The following CTNNA2 variants were observed in gnomAD, a reference collection of about 807,000 sequenced individuals.
CTNNA2 encodes catenin alpha 2, also known as catenin alpha-2.
Under a neutral mutation model 101.0 loss-of-function variants are expected in CTNNA2, and 42 were observed. That is an observed-to-expected ratio of 0.42 (90% confidence interval 0.32 to 0.54). The LOEUF (loss-of-function observed/expected upper bound fraction) is 0.54. Ranked by LOEUF, CTNNA2 falls within the 20% of genes least tolerant of loss-of-function variation. CTNNA2 has a pLI of 0.14. For missense variants in CTNNA2, 871 were observed against 1,223.1 expected (o/e 0.71, Z 4.29); for synonymous variants, 450 against 456.4 (o/e 0.99, Z 0.18).
intron 3 of CTNNA2, among the ~76,000 whole-genome samples, chr2:79,851,200 C>T (rs1247691686): frequency 6.6e-6 from 1 of 152,196 alleles, no homozygotes; most frequent in Non-Finnish European, 1.5e-5. Flanking sequence ...TGGTGTTGTC[C>T]ACCTTGGCCA....
intron 7 of CTNNA2, among the ~76,000 whole-genome samples, chr2:80,076,647 C>T (rs1312904340): frequency 6.6e-6 from 1 of 151,890 alleles, no homozygotes; most frequent in Non-Finnish European, 1.5e-5. Context: ...GCCCCTCTCA[C>T]TCATTACTTC....
chr2:79,422,611 AG>A (rs1162417846), intron 4 of CTNNA2, among the ~76,000 whole-genome samples: 6 of 152,196 alleles, frequency 3.9e-5, no homozygotes, highest in Non-Finnish European at 8.8e-5. Flanking sequence ...TAAAAACAAA[AG>A]GGGGTACCAT....
chr2:80,401,115 T>A (rs1678507141), intron 8 of CTNNA2, among the ~76,000 whole-genome samples: 1 of 152,344 alleles, frequency 6.6e-6, no homozygotes, highest in East Asian at 1.9e-4. Context: ...TTTAAAAATA[T>A]CTCTATCATG....
rs960119910 is a variant in CTNNA2, at chr2:79,551,774, C to T, written c.-6+38567C>T. 1.6e-4 allele frequency among the ~76,000 whole-genome samples: 24 copies of T among 151,996 alleles called. 1 individual carries two copies. In the South Asian group the frequency reaches 2.3e-3, roughly 14 times the overall value. On this transcript the variant is annotated intron_variant, in intron 1 of 18. Transcript: ENST00000402739. ...GGGAAGCAGGCACATCTTACATGGACGGAGAAGGAGGAAGAAGGGAGTGGG... is the reference window on the plus strand; with the variant it reads ...GGGAAGCAGGCACATCTTACATGGATGGAGAAGGAGGAAGAAGGGAGTGGG...
chr2:79,381,188 G>C (rs143648851), intron 4 of CTNNA2, among the ~76,000 whole-genome samples: 1 of 152,234 alleles, frequency 6.6e-6, no homozygotes, highest in African/African-American at 2.4e-5. Flanking sequence ...ATTTAAAAAG[G>C]GAAAGCTAGA....
chr2:79,768,485 G>A (rs747227536), intron 3 of CTNNA2, among the ~76,000 whole-genome samples: 7 of 151,390 alleles, frequency 4.6e-5, no homozygotes, highest in East Asian at 2.0e-4. Flanking sequence ...AGGGGTGATC[G>A]GTGGAGCTTT....
rs1263495673 is a variant in CTNNA2, at chr2:80,419,570, T to A, written c.1259T>A (p.Val420Asp). The stretch of plus-strand genomic sequence containing the variant: ...AAGGAAGTGAAAGAATATGCCCAAG[T>A]TTTCCGTGAGCATGCCAACAAACTG... ...NEKEVKEYAQ[V>D]FREHANKLVE... Residue 420 changes from valine to aspartate, a missense_variant, in exon 9 of 19, where the codon GTT (valine) becomes GAT (aspartate). This residue lies in a region of CTNNA2 where 647 missense variants were observed against 831.5 expected (regional missense o/e 0.78). Coordinates refer to ENST00000402739, the MANE Select transcript of CTNNA2 (RefSeq NM_001282597.3). 6.2e-7 allele frequency: 1 copy of A among 1,613,736 alleles called. No individual in the cohort carries two copies. Among genetic ancestry groups the A allele is most frequent in the Non-Finnish European group, 8.5e-7 (1 of 1,179,790 alleles).
At chr2:79,419,726 C>T (rs1324712074) in intron 4 of CTNNA2, among the ~76,000 whole-genome samples, 1 of 152,082 alleles carries the variant, frequency 6.6e-6, no homozygotes, top group Non-Finnish European at 1.5e-5. Context: ...TAACATATAA[C>T]TTCGTAGTGT....
At chr2:80,453,564 T>TA (rs991337586) in intron 9 of CTNNA2, among the ~76,000 whole-genome samples, 9 of 151,922 alleles carry the variant, frequency 5.9e-5, no homozygotes, top group South Asian at 2.1e-4. Context: ...CGAAAGCTGT[T>TA]AAAAAAACAA....
chr2:79,780,302 T>G (rs899606637), intron 3 of CTNNA2, among the ~76,000 whole-genome samples: 1 of 152,212 alleles, frequency 6.6e-6, no homozygotes, highest in South Asian at 2.1e-4. Flanking sequence ...GGCTGTGTCA[T>G]GAACCATTGA....
At chr2:80,608,516 GTTTA>G (rs1698206986) in intron 17 of CTNNA2, 198 bp downstream of exon 17, 1 of 449,588 alleles carries the variant, frequency 2.2e-6, no homozygotes, top group Non-Finnish European at 3.8e-6. Flanking sequence ...ATTACCCTGT[GTTTA>G]TTCTAGCCTT....
At chr2:80,184,987 G>A (rs751346833) in intron 7 of CTNNA2, among the ~76,000 whole-genome samples, 13 of 152,118 alleles carry the variant, frequency 8.5e-5, no homozygotes, top group Non-Finnish European at 1.8e-4. Flanking sequence ...ACTGCTATTT[G>A]CTGTGTAATA....
intron 2 of CTNNA2, among the ~76,000 whole-genome samples, chr2:79,672,220 C>T (rs551832014): frequency 2.6e-5 from 4 of 152,144 alleles, no homozygotes; most frequent in African/African-American, 9.6e-5. Flanking sequence ...TCTTGAAGTT[C>T]GTAGTTATTT....
intron 9 of CTNNA2, among the ~76,000 whole-genome samples, chr2:80,498,964 C>A (rs1233525101): frequency 6.6e-6 from 1 of 152,120 alleles, no homozygotes. Flanking sequence ...CACACATAAC[C>A]CAGATGCACT....
intron 4 of CTNNA2, among the ~76,000 whole-genome samples, chr2:79,450,594 T>C (rs1678881545): frequency 6.6e-6 from 1 of 152,124 alleles, no homozygotes; most frequent in South Asian, 2.1e-4. Context: ...GAAATTATCT[T>C]GAAATTCTAG....
intron 4 of CTNNA2, among the ~76,000 whole-genome samples, chr2:79,441,860 T>A (rs1678781409): frequency 6.6e-6 from 1 of 152,200 alleles, no homozygotes; most frequent in Admixed American, 6.6e-5. Flanking sequence ...GCACACTGAC[T>A]TTCTTTCTGT....
intron 7 of CTNNA2, among the ~76,000 whole-genome samples, chr2:80,358,973 C>T (rs1674120169): frequency 6.6e-6 from 1 of 151,866 alleles, no homozygotes; most frequent in Non-Finnish European, 1.5e-5. Context: ...TATCCTATCA[C>T]AGAAATTGAT....
chr2:80,338,253 T>A (rs769327688), intron 7 of CTNNA2, among the ~76,000 whole-genome samples: 3 of 151,856 alleles, frequency 2.0e-5, no homozygotes, highest in Non-Finnish European at 2.9e-5. Flanking sequence ...CTTCCCAAAG[T>A]GCTGGGATTA....
chr2:79,318,542 A>C (rs1573072082), intron 3 of CTNNA2, among the ~76,000 whole-genome samples: 1 of 152,288 alleles, frequency 6.6e-6, no homozygotes, highest in East Asian at 1.9e-4. Context: ...TGCATATATC[A>C]TTATTATGTG....
Sources: allele counts gnomAD v4.1 joint callset (sites outside exome capture counted in the v4.1 genomes callset), GRCh38; gene constraint gnomAD v4.1.1; regional missense constraint gnomAD v4.1.1; transcripts MANE v1.5; gene names NCBI Gene and HGNC (gene_info 2026-07-23, HGNC 2026-07-21).